Variants in CPNE5 observed in about 807,000 individuals in gnomAD.
The protein encoded by CPNE5 is copine-5.
In CPNE5, 42 loss-of-function variants were observed where a neutral mutation model predicts 81.1. The ratio of observed to expected loss-of-function variants is 0.52; its 90% confidence interval spans 0.40 to 0.67. The LOEUF is 0.67. Ranked by LOEUF, CPNE5 falls within the 30% of genes least tolerant of loss-of-function variation. The pLI is 0.00. For missense variants in CPNE5, 612 were observed against 815.5 expected (o/e 0.75, Z 3.04); for synonymous variants, 313 against 321.5 (o/e 0.97, Z 0.28).
intron 9 of CPNE5, among the ~76,000 whole-genome samples, chr6:36,776,568 G>A (rs568488209): frequency 6.6e-6 from 1 of 152,264 alleles, no homozygotes; most frequent in African/African-American, 2.4e-5. Flanking sequence ...TAGGGAATGG[G>A]TGGTCCCAGA....
At chr6:36,827,240 C>A (rs1159787231) in intron 1 of CPNE5, 1 of 804,434 alleles carries the variant, frequency 1.2e-6, no homozygotes, top group African/African-American at 1.9e-5. Flanking sequence ...ACCCTCTGAT[C>A]CCACACCTCG....
chr6:36,746,717 A>C lies in CPNE5; in HGVS notation c.1019-140T>G. On this transcript the variant is annotated intron_variant, in intron 15 of 20. Coordinates refer to ENST00000244751, the MANE Select transcript of CPNE5 (RefSeq NM_020939.2). The surrounding 1 kb of genome is among the most constrained non-coding windows in gnomAD (Gnocchi z 4.5). ...CTCTCTTTCTCTCATACCCCATGTT[A>C]AATCCTTCAGCAAAACAGATCTAGA... 1 of 685,606 alleles carries C rather than the reference A, an allele frequency of 1.5e-6. No individual in the cohort carries two copies. The highest frequency in any genetic ancestry group is 2.4e-6 in the Non-Finnish European group (1 of 415,602). 42.5% of individuals were successfully genotyped at this position (685,606 alleles called of 1,614,324 possible).
At chr6:36,800,344 T>G (rs1769992660) in intron 3 of CPNE5, among the ~76,000 whole-genome samples, 1 of 152,196 alleles carries the variant, frequency 6.6e-6, no homozygotes, top group African/African-American at 2.4e-5. Context: ...GGCCCTTCCC[T>G]TCACCTGGCC....
Position 36,743,198 on chromosome 6 carries a change from G to A in CPNE5, c.1563+491C>T, listed in dbSNP as rs151140296. ...GGGGATGAGTGGGGGAAGTGCTTGCGGAGGGTGCATTCTTCCACGTGAGAC... is the reference window on the plus strand; with the variant it reads ...GGGGATGAGTGGGGGAAGTGCTTGCAGAGGGTGCATTCTTCCACGTGAGAC... On this transcript the variant is annotated intron_variant, in intron 20 of 20. Coordinates refer to ENST00000244751, the MANE Select transcript of CPNE5 (RefSeq NM_020939.2). 9.1e-4 allele frequency: 895 copies of A among 985,416 alleles called. 9 individuals are homozygous for A. In the African/African-American group the frequency reaches 0.014, roughly 16 times the overall value. The allele number at this position is 985,416 out of a possible 1,614,324, so 61.0% of individuals were successfully genotyped here. A position where few individuals can be genotyped will look rare whatever the true frequency, so the allele number is the denominator to read the frequency against.
At chr6:36,838,742 G>A (rs988645189) in intron 1 of CPNE5, 9 of 982,922 alleles carry the variant, frequency 9.2e-6, no homozygotes, top group Admixed American at 1.2e-4. Flanking sequence ...AGTCGATTTC[G>A]TTGTTGATAG....
intron 11 of CPNE5, among the ~76,000 whole-genome samples, chr6:36,764,843 C>T (rs1260060150): frequency 1.3e-5 from 2 of 152,156 alleles, no homozygotes; most frequent in African/African-American, 2.4e-5. Flanking sequence ...GAGGGCTGTA[C>T]GGGTACAATT....
chr6:36,791,053 C>A (rs551352423), intron 8 of CPNE5, among the ~76,000 whole-genome samples: 17 of 152,298 alleles, frequency 1.1e-4, no homozygotes, highest in Admixed American at 8.5e-4. Flanking sequence ...CCTCCCAGCT[C>A]CATGGGAAGC....
At chr6:36,763,331 G>A (rs1042739460) in intron 11 of CPNE5, among the ~76,000 whole-genome samples, 3 of 152,160 alleles carry the variant, frequency 2.0e-5, no homozygotes, top group African/African-American at 4.8e-5. Context: ...GGCCGGGCGC[G>A]GTGGCTCATG....
chr6:36,768,225 C>CTTTTTTTCTTTTTTTTTTTTTTTTTTT, intron 10 of CPNE5, among the ~76,000 whole-genome samples: 614 of 60,514 alleles, frequency 0.01, 163 homozygotes, highest in East Asian at 0.016. Context: ...ATTCACAGTT[C>CTTTTTTTCTTTTTTTTTTTTTTTTTTT]TTTTTTTTTT....
chr6:36,743,324 C>A, intron 20 of CPNE5: 4 of 780,242 alleles, frequency 5.1e-6, no homozygotes, highest in Non-Finnish European at 6.2e-6. Flanking sequence ...AATGCCTATT[C>A]TTGGAGAAGG....
At chr6:36,789,489 T>G (rs958423) in intron 8 of CPNE5, among the ~76,000 whole-genome samples, 76,699 of 152,046 alleles carry the variant, frequency 0.5, 19,579 homozygotes, top group South Asian at 0.6. Flanking sequence ...GCTAGAAGCT[T>G]GGGGAAACAC....
intron 3 of CPNE5, among the ~76,000 whole-genome samples, chr6:36,806,290 G>C (rs1328682201): frequency 1.3e-5 from 2 of 152,194 alleles, no homozygotes; most frequent in African/African-American, 4.8e-5. Context: ...TCACCCTGTG[G>C]CTTCCAGTGG....
chr6:36,782,945 G>A (rs1333756548), intron 8 of CPNE5, among the ~76,000 whole-genome samples: 1 of 151,942 alleles, frequency 6.6e-6, no homozygotes, highest in Non-Finnish European at 1.5e-5. Flanking sequence ...AGCTCCTAGT[G>A]GGTAACTTAA....
chr6:36,794,527 C>T (rs769754087), intron 7 of CPNE5, 63 bp downstream of exon 7: 67 of 1,475,728 alleles, frequency 4.5e-5, no homozygotes, highest in Non-Finnish European at 5.8e-5. Flanking sequence ...GACTCTGAGG[C>T]CCCCTTTGCA....
At position 36,763,001 on chromosome 6, in the gene CPNE5, G is replaced by A; in HGVS notation, c.780-9C>T. ...CCCCAATGAAGTCATGGCTGCAAGG[G>A]AAGACGGCTGCTGAGACCAAGGCCA... On this transcript the variant is annotated splice_polypyrimidine_tract_variant and intron_variant, in intron 11 of 20. Coordinates refer to ENST00000244751, the MANE Select transcript of CPNE5 (RefSeq NM_020939.2). 6.2e-7 allele frequency: 1 copy of A among 1,613,778 alleles called. No individual in the cohort carries two copies. Among genetic ancestry groups the A allele is most frequent in the South Asian group, 1.1e-5 (1 of 91,076 alleles).
At chr6:36,815,796 C>G (rs1771491411) in intron 3 of CPNE5, among the ~76,000 whole-genome samples, 1 of 152,214 alleles carries the variant, frequency 6.6e-6, no homozygotes. Context: ...TAATTCTCCT[C>G]AAAAAAGAGA....
At chr6:36,777,417 A>G (rs575760441) in intron 9 of CPNE5, among the ~76,000 whole-genome samples, 1 of 151,894 alleles carries the variant, frequency 6.6e-6, no homozygotes, top group East Asian at 1.9e-4. Flanking sequence ...CACCCTTTGC[A>G]GTGCACCCCT....
intron 1 of CPNE5, among the ~76,000 whole-genome samples, chr6:36,831,485 C>A (rs901488836): frequency 1.3e-5 from 2 of 152,008 alleles, no homozygotes; most frequent in Non-Finnish European, 2.9e-5. Flanking sequence ...TCTCGAGTAG[C>A]TGGGATTACA....
chr6:36,810,545 C>G (rs1332043102), intron 3 of CPNE5, among the ~76,000 whole-genome samples: 1 of 152,146 alleles, frequency 6.6e-6, no homozygotes, highest in Non-Finnish European at 1.5e-5. Context: ...CAGGTGGGGG[C>G]GCCCAGTGGC....
Sources: allele counts gnomAD v4.1 joint callset (sites outside exome capture counted in the v4.1 genomes callset), GRCh38; gene constraint gnomAD v4.1.1; non-coding constraint Gnocchi (gnomAD v3.1); transcripts MANE v1.5; gene names NCBI Gene and HGNC (gene_info 2026-07-23, HGNC 2026-07-21).